The following AMPD2 variants were observed in gnomAD, a reference collection of about 807,000 sequenced individuals.
AMPD2 encodes the protein adenosine monophosphate deaminase 2, also known as AMP deaminase 2.
A neutral mutation model predicts 91.3 loss-of-function variants in AMPD2; 52 were observed. The ratio of observed to expected loss-of-function variants is 0.57; its 90% CI spans 0.46 to 0.72. The LOEUF is 0.72. AMPD2 is among the 30% of genes least tolerant of loss of function. The pLI is 0.00. For missense variants in AMPD2, 822 were observed against 1,122.3 expected (o/e 0.73, Z 3.82); for synonymous variants, 455 against 456.4 (o/e 1.00, Z 0.04).
Position 109,631,496 on chromosome 1 carries a change from C to T in AMPD2, c.*344C>T, listed in dbSNP as rs1046235480. ...GGGGGGCTGGCCCCTCTAGCCTTTC[C>T]GGTCCTTCCTGGGCAAATCTAAGCC... On this transcript the variant is annotated 3_prime_UTR_variant, in exon 19 of 19. Coordinates refer to ENST00000528667, the MANE Select transcript of AMPD2 (RefSeq NM_001368809.2). 1 of 393,030 alleles carries T rather than the reference C, an allele frequency of 2.5e-6. No homozygotes were observed. Among genetic ancestry groups the T allele is most frequent in the Non-Finnish European group, 4.7e-6 (1 of 211,228 alleles). 24.3% of individuals were successfully genotyped at this position (393,030 alleles called of 1,614,324 possible). A position where few individuals can be genotyped will look rare whatever the true frequency, so the allele number is the denominator to read the frequency against.
chr1:109,620,272 G>A lies in AMPD2; in HGVS notation c.-269G>A, dbSNP rs773927803. 17 of 1,614,104 alleles carry A rather than the reference G, an allele frequency of 1.1e-5. No homozygotes were observed. In the East Asian group the frequency reaches 3.8e-4, roughly 36 times the overall value. On this transcript the variant is annotated 5_prime_UTR_variant, in exon 1 of 19. Transcript: ENST00000528667. Reference sequence around the variant, plus strand: ...CTCCCCTCGGAACTCGGGCATCATGGCCTCAGGTGAGTGTGTGTACGTGTG... The same window carrying A: ...CTCCCCTCGGAACTCGGGCATCATGACCTCAGGTGAGTGTGTGTACGTGTG...
At chr1:109,620,388 CG>C in intron 1 of AMPD2, 110 bp downstream of exon 1, 1 of 1,504,160 alleles carries the variant, frequency 6.6e-7, no homozygotes, top group Non-Finnish European at 9.1e-7. Context: ...CTAGGGAAGG[CG>C]GTCAGCTCCT....
intron 1 of AMPD2, chr1:109,620,702 T>C: frequency 8.3e-7 from 1 of 1,211,692 alleles, no homozygotes; most frequent in Non-Finnish European, 1.0e-6. Flanking sequence ...GGGAGGACTG[T>C]GTTTGAGCTT....
rs1307335679 is a variant in AMPD2, at chr1:109,624,084, C to G, written c.92-1219C>G. On this transcript the variant is annotated intron_variant, in intron 2 of 18. Coordinates refer to ENST00000528667, the MANE Select transcript of AMPD2 (RefSeq NM_001368809.2). This position sits in a 1 kb window ranked among gnomAD's most constrained non-coding sequence, Gnocchi z 5.2. ...GCTGCTGGCCGGAGCTGCCTGCACT[C>G]TGCAGGTAGGGTTCAGGCAGGGGCC... is the stretch of plus-strand genomic sequence containing the variant. 3.0e-6 allele frequency: 3 copies of G among 985,520 alleles called. No homozygotes were observed. In the African/African-American group the frequency reaches 5.2e-5, roughly 17 times the overall value. 61.0% of individuals were successfully genotyped at this position (985,520 alleles called of 1,614,324 possible).
chr1:109,625,871 C>T lies in AMPD2; in HGVS notation c.353+79C>T. On this transcript the variant is annotated intron_variant, in intron 4 of 18. Transcript: ENST00000528667. The surrounding 1 kb of genome is among the most constrained non-coding windows in gnomAD (Gnocchi z 4.0). Reference sequence around the variant, plus strand: ...CAGAGCCCCTTTTCTGCCTCTTTCCCTCGCACCCTGCCTTGGGGGGTCTGC... The same window carrying T: ...CAGAGCCCCTTTTCTGCCTCTTTCCTTCGCACCCTGCCTTGGGGGGTCTGC... 1.3e-6 allele frequency: 2 copies of T among 1,578,816 alleles called. No homozygotes were observed. The highest frequency in any genetic ancestry group is 1.7e-6 in the Non-Finnish European group (2 of 1,160,460).
Position 109,629,487 on chromosome 1 carries a change from G to A in AMPD2, c.1859G>A (p.Arg620His), listed in dbSNP as rs587777395. 9.3e-6 allele frequency: 15 copies of A among 1,613,200 alleles called. No homozygotes were observed. The highest frequency in any genetic ancestry group is 1.2e-5 in the Non-Finnish European group (14 of 1,179,792). Residue 620 changes from arginine to histidine, a missense_variant, in exon 15 of 19, where the codon CGC (arginine) becomes CAC (histidine). By Grantham distance (29) the Arg-to-His change is conservative (BLOSUM62 0). Around this residue, in one of 5 missense-constraint regions of AMPD2, gnomAD observed 430 missense variants for 606.0 expected, o/e 0.71. Coordinates refer to ENST00000528667, the MANE Select transcript of AMPD2 (RefSeq NM_001368809.2). Reference protein sequence around the residue: ...FANMAMLNHLRRQRGFHTFVL... With the variant: ...FANMAMLNHLHRQRGFHTFVL... The stretch of plus-strand genomic sequence containing the variant: ...AACATGGCCATGTTGAACCACCTGC[G>A]CAGGTGCCTGCACCACCCTGTGTCT...
chr1:109,620,246 C>G lies in AMPD2; in HGVS notation c.-295C>G, dbSNP rs1478167423. The G allele has an allele frequency of 6.2e-7, 1 of 1,613,950 alleles. No homozygotes were observed. The highest frequency in any genetic ancestry group is 8.5e-7 in the Non-Finnish European group (1 of 1,179,952). ...TGCTGTACAGACTTCTCGTGGGCAG[C>G]CTCCCCTCGGAACTCGGGCATCATG... On this transcript the variant is annotated 5_prime_UTR_variant, in exon 1 of 19. Transcript: ENST00000528667.
chr1:109,625,924 TCGGG>T lies in AMPD2; in HGVS notation c.353+134_353+137del. The T allele has an allele frequency of 1.4e-6, 2 of 1,414,120 alleles. No individual in the cohort carries two copies. The highest frequency in any genetic ancestry group is 1.9e-6 in the Non-Finnish European group (2 of 1,046,880). 87.6% of individuals were successfully genotyped at this position (1,414,120 alleles called of 1,614,324 possible). A position where few individuals can be genotyped will look rare whatever the true frequency, so the allele number is the denominator to read the frequency against. ...AGGGAGCATAGAGTGGGCTTTGGAG[TCGGG>T]CTGCTGGGTTCTGTTCTGTCTTCTA... is the stretch of plus-strand genomic sequence containing the variant. On this transcript the variant is annotated intron_variant, in intron 4 of 18. Coordinates refer to ENST00000528667, the MANE Select transcript of AMPD2 (RefSeq NM_001368809.2). This position sits in a 1 kb window ranked among gnomAD's most constrained non-coding sequence, Gnocchi z 4.0.
Position 109,626,353 on chromosome 1 carries a change from C to T in AMPD2, c.457C>T (p.Arg153Trp), listed in dbSNP as rs373334637. 2.4e-4 allele frequency: 389 copies of T among 1,612,568 alleles called. No homozygotes were observed. Among genetic ancestry groups the T allele is most frequent in the Non-Finnish European group, 3.2e-4 (376 of 1,179,310 alleles). Reference protein sequence around the residue: ...YKEQGEGQGDRSLRERDVLER... With the variant: ...YKEQGEGQGDWSLRERDVLER... ...GGAACAGGGTGAGGGGCAGGGTGACCGGAGCCTGCGGGAGCGTGATGTGCT... is the reference window on the plus strand; with the variant it reads ...GGAACAGGGTGAGGGGCAGGGTGACTGGAGCCTGCGGGAGCGTGATGTGCT... The change falls in exon 6 of 19, where the codon CGG (arginine) becomes TGG (tryptophan). Residue 153 changes from arginine (R) to tryptophan (W), a missense_variant. Physicochemically the swap from Arg to Trp is moderately radical, Grantham distance 101 (BLOSUM62 -3). This residue lies in a region of AMPD2 where 240 missense variants were observed against 270.3 expected (regional missense o/e 0.89). Coordinates refer to ENST00000528667, the MANE Select transcript of AMPD2 (RefSeq NM_001368809.2).
chr1:109,620,228 C>G lies in AMPD2; in HGVS notation c.-313C>G. The G allele has an allele frequency of 6.2e-7, 1 of 1,614,042 alleles. No individual in the cohort carries two copies. Among genetic ancestry groups the G allele is most frequent in the Non-Finnish European group, 8.5e-7 (1 of 1,179,920 alleles). ...CTCAGGACCCGGGCTTTCTGCTGTA[C>G]AGACTTCTCGTGGGCAGCCTCCCCT... On this transcript the variant is annotated 5_prime_UTR_variant, in exon 1 of 19. Coordinates refer to ENST00000528667, the MANE Select transcript of AMPD2 (RefSeq NM_001368809.2).
chr1:109,620,424 C>T, intron 1 of AMPD2, 146 bp downstream of exon 1: 2 of 1,365,742 alleles, frequency 1.5e-6, no homozygotes, highest in South Asian at 2.7e-5. Flanking sequence ...GGGAGCAGAG[C>T]CAGAGTGTGC....
intron 2 of AMPD2, chr1:109,622,135 G>A: frequency 2.2e-6 from 1 of 451,354 alleles, no homozygotes; most frequent in South Asian, 1.6e-5. Context: ...GCAGCTGTCT[G>A]TAGCTATAGC....
At position 109,629,833 on chromosome 1, in the gene AMPD2, T is replaced by G. The variant is rs115461577; in HGVS notation, c.1900T>G (p.Cys634Gly). 7 of 1,612,188 alleles carry G rather than the reference T, an allele frequency of 4.3e-6. No homozygotes were observed. In the East Asian group the frequency reaches 1.6e-4, roughly 36 times the overall value. ...CCACACGTTTGTGCTGAGGCCACACTGTGGGGAGGCTGGGCCCATCCACCA... is the reference window on the plus strand; with the variant it reads ...CCACACGTTTGTGCTGAGGCCACACGGTGGGGAGGCTGGGCCCATCCACCA... Reference protein sequence around the residue: ...GFHTFVLRPHCGEAGPIHHLV... With the variant: ...GFHTFVLRPHGGEAGPIHHLV... Residue 634 changes from cysteine to glycine, a missense_variant, in exon 16 of 19, where the codon TGT (cysteine) becomes GGT (glycine). Physicochemically the swap from Cys to Gly is radical, Grantham distance 159. This residue lies in a region of AMPD2 where 430 missense variants were observed against 606.0 expected (regional missense o/e 0.71). Transcript: ENST00000528667.
rs1237466306 is a variant in AMPD2 at position 109,631,912 on chromosome 1, G to A, written c.*760G>A. 2 of 153,586 alleles carry A rather than the reference G, an allele frequency of 1.3e-5. No homozygotes were observed. Among genetic ancestry groups the A allele is most frequent in the Non-Finnish European group, 2.9e-5 (2 of 68,866 alleles). 9.5% of individuals were successfully genotyped at this position (153,586 alleles called of 1,614,324 possible). On this transcript the variant is annotated 3_prime_UTR_variant, in exon 19 of 19. Transcript: ENST00000528667. ...CAACCCCGGGAGTGGTGTTCCCAGT[G>A]TGGCTCCCAGAGCTTTGACCAGATT... is the stretch of plus-strand genomic sequence containing the variant.
Position 109,625,552 on chromosome 1 carries a change from C to A in AMPD2, c.223-110C>A, listed in dbSNP as rs1439461247. On this transcript the variant is annotated intron_variant, in intron 3 of 18. Coordinates refer to ENST00000528667, the MANE Select transcript of AMPD2 (RefSeq NM_001368809.2). This position sits in a 1 kb window ranked among gnomAD's most constrained non-coding sequence, Gnocchi z 4.0. ...CGCTTGGCTGTCTCCTGATCCTCAG[C>A]CTCTCCCAGGTACCCCTGGTCCTGC... The A allele has an allele frequency of 3.8e-6, 6 of 1,594,158 alleles. No individual in the cohort carries two copies. The highest frequency in any genetic ancestry group is 1.7e-4 in the Middle Eastern group (1 of 5,976).
In AMPD2 at chr1:109,629,389, G is replaced by A. The variant is rs774160659; in HGVS notation, c.1761G>A (p.Glu587=). Residue 587 remains glutamate, a synonymous_variant, in exon 15 of 19, where the codon GAG becomes GAA. Transcript: ENST00000528667. ...CTGAAAACCATGTCTTCAACCTGGAGAGCCCCCTGCCTGAGGCGTGGGTGG... is the reference window on the plus strand; with the variant it reads ...CTGAAAACCATGTCTTCAACCTGGAAAGCCCCCTGCCTGAGGCGTGGGTGG... The part of the protein sequence containing the change: ...SKPENHVFNL[E]SPLPEAWVEE... The A allele has an allele frequency of 7.9e-5, 128 of 1,614,014 alleles. No homozygotes were observed. The highest frequency in any genetic ancestry group is 1.1e-4 in the Non-Finnish European group (125 of 1,180,014).
At chr1:109,623,393 C>T (rs775359592) in intron 2 of AMPD2, among the ~76,000 whole-genome samples, 28 of 152,230 alleles carry the variant, frequency 1.8e-4, no homozygotes, top group Non-Finnish European at 3.5e-4. Flanking sequence ...GACAGTTTGT[C>T]CTGTCCCTGA....
At position 109,628,769 on chromosome 1, in the gene AMPD2, C is replaced by T. The variant is rs1289426036; in HGVS notation, c.1534C>T (p.Pro512Ser). The T allele has an allele frequency of 1.9e-6, 3 of 1,581,276 alleles. No individual in the cohort carries two copies. In the East Asian group the frequency reaches 7.0e-5, roughly 37 times the overall value. Residue 512 changes from proline to serine, a missense_variant, in exon 13 of 19, where the codon CCC (proline) becomes TCC (serine). By Grantham distance (74) the Pro-to-Ser change is moderately conservative. Transcript: ENST00000528667. This position sits in a 1 kb window ranked among gnomAD's most constrained non-coding sequence, Gnocchi z 7.1. ...RWAVMHRVHS[P>S]NVRWLVQVPR... is the part of the protein sequence containing the mutation. ...GGCCGTCATGCACCGCGTGCACTCCCCCAACGTGCGCTGGCTGGTGCAGGT... is the reference window on the plus strand; with the variant it reads ...GGCCGTCATGCACCGCGTGCACTCCTCCAACGTGCGCTGGCTGGTGCAGGT...
At position 109,621,323 on chromosome 1, in the gene AMPD2, C is replaced by T. The variant is rs554756704; in HGVS notation, c.91+57C>T. 1.4e-5 allele frequency: 22 copies of T among 1,582,790 alleles called. No homozygotes were observed. The African/African-American group carries it at 1.7e-4, about 13-fold the overall frequency. ...TGCTGGGCTCTGTCTTGCCACCTCT[C>T]GCCCAAGGTGCTGGTCCCCTCAGAG... On this transcript the variant is annotated intron_variant, in intron 2 of 18. Transcript: ENST00000528667.
Sources: gnomAD v4.1 joint callset for allele counts (sites outside exome capture counted in the v4.1 genomes callset) on GRCh38, gnomAD v4.1.1 for gene constraint, gnomAD v4.1.1 regional missense constraint, Gnocchi (gnomAD v3.1) non-coding constraint, MANE v1.5 for transcripts, NCBI Gene and HGNC (gene_info 2026-07-23, HGNC 2026-07-21) for gene names.